MYH9: variants seen among roughly 807,000 people sequenced by gnomAD.
MYH9 encodes the protein myosin-9.
A neutral mutation model predicts 241.9 loss-of-function variants in MYH9; 29 were observed. The ratio of observed to expected loss-of-function variants is 0.12; its 90% confidence interval spans 0.09 to 0.16. MYH9 has a LOEUF of 0.16. MYH9 is among the 10% of genes least tolerant of loss of function. MYH9 has a pLI of 1.00. For synonymous variants in MYH9, 1,047 were observed against 1,062.6 expected (o/e 0.99, Z 0.29); for missense variants, 1,803 against 2,595.5 (o/e 0.69, Z 6.63).
At chr22:36,301,820 C>T (rs1007387846) in intron 20 of MYH9, 155 bp from the exon 21 acceptor site, 6 of 967,118 alleles carry the variant, frequency 6.2e-6, no homozygotes, top group East Asian at 2.6e-5. Flanking sequence ...TCCTTCCTGG[C>T]GCTCTGTACC....
intron 1 of MYH9, among the ~76,000 whole-genome samples, chr22:36,354,930 T>TA (rs1440755186): frequency 8.1e-6 from 1 of 123,482 alleles, no homozygotes; most frequent in Non-Finnish European, 1.7e-5. Flanking sequence ...ATCTACCACT[T>TA]AAAAAAACAA....
chr22:36,309,478 C>T (rs2017025834), intron 14 of MYH9, 82 bp from the exon 15 acceptor site: 2 of 1,058,206 alleles, frequency 1.9e-6, no homozygotes, highest in African/African-American at 1.6e-5. Flanking sequence ...CAGGCTAACC[C>T]CATGCATGGA....
At chr22:36,345,010 A>C (rs998526209) in intron 2 of MYH9, among the ~76,000 whole-genome samples, 4 of 152,218 alleles carry the variant, frequency 2.6e-5, no homozygotes, top group African/African-American at 9.6e-5. Flanking sequence ...CTGGCTGGGT[A>C]CTTTAGAAAG....
Position 36,293,654 on chromosome 22 carries a change from TGAA to T in MYH9, c.3942+102_3942+104del. 2 of 1,333,802 alleles carry T rather than the reference TGAA, an allele frequency of 1.5e-6. No individual in the cohort carries two copies. The highest frequency in any genetic ancestry group is 2.1e-6 in the Non-Finnish European group (2 of 943,554). The allele number at this position is 1,333,802 out of a possible 1,614,324, so 82.6% of individuals were successfully genotyped here. A position where few individuals can be genotyped will look rare whatever the true frequency, so the allele number is the denominator to read the frequency against. On this transcript the variant is annotated intron_variant, in intron 29 of 40. Coordinates refer to ENST00000216181, the MANE Select transcript of MYH9 (RefSeq NM_002473.6). The surrounding 1 kb of genome is among the most constrained non-coding windows in gnomAD (Gnocchi z 5.1). ...AGACCCACCCACAGGATGAAGCAGA[TGAA>T]GGAGAGGATGGGCAATCCGATGGGC...
At position 36,306,140 on chromosome 22, in the gene MYH9, C is replaced by A. The variant is rs1041309755; in HGVS notation, c.2038-89G>T. Reference sequence around the variant, plus strand: ...GGGAACCCCTATGAACCTGACAGGGCAAGAGCCTAAGGGAGGGGGTCGCTA... The same window carrying A: ...GGGAACCCCTATGAACCTGACAGGGAAAGAGCCTAAGGGAGGGGGTCGCTA... On this transcript the variant is annotated intron_variant, in intron 16 of 40. Coordinates refer to ENST00000216181, the MANE Select transcript of MYH9 (RefSeq NM_002473.6). This position sits in a 1 kb window ranked among gnomAD's most constrained non-coding sequence, Gnocchi z 4.1. 6.3e-7 allele frequency: 1 copy of A among 1,592,896 alleles called. No individual in the cohort carries two copies. The highest frequency in any genetic ancestry group is 8.5e-7 in the Non-Finnish European group (1 of 1,171,528).
chr22:36,384,295 T>C (rs773067575), intron 1 of MYH9, among the ~76,000 whole-genome samples: 1 of 143,032 alleles, frequency 7.0e-6, no homozygotes, highest in Non-Finnish European at 1.5e-5. Context: ...ACAAAAACCA[T>C]ATATGAGCCG....
chr22:36,285,014 G>C lies in MYH9; in HGVS notation c.5483+107C>G. ...ATCAGGAGGGAGGGAAACAGCCCCA[G>C]GCTCAGGAGACAGAGAGCTGGTTGT... On this transcript the variant is annotated intron_variant, in intron 38 of 40. Coordinates refer to ENST00000216181, the MANE Select transcript of MYH9 (RefSeq NM_002473.6). The surrounding 1 kb of genome is among the most constrained non-coding windows in gnomAD (Gnocchi z 7.0). The C allele has an allele frequency of 9.3e-7, 1 of 1,079,918 alleles. No homozygotes were observed. Among genetic ancestry groups the C allele is most frequent in the Non-Finnish European group, 1.4e-6 (1 of 734,666 alleles). The allele number at this position is 1,079,918 out of a possible 1,614,324, so 66.9% of individuals were successfully genotyped here.
intron 1 of MYH9, among the ~76,000 whole-genome samples, chr22:36,381,564 T>C (rs950118646): frequency 6.6e-6 from 1 of 151,270 alleles, no homozygotes; most frequent in Non-Finnish European, 1.5e-5. Flanking sequence ...CACTCCCTGC[T>C]CCTGTTGCCT....
intron 1 of MYH9, among the ~76,000 whole-genome samples, chr22:36,359,266 C>G (rs987751076): frequency 6.6e-6 from 1 of 152,200 alleles, no homozygotes; most frequent in African/African-American, 2.4e-5. Context: ...ATGCCTGGCC[C>G]AGAGCAGGTG....
chr22:36,293,691 T>A lies in MYH9; in HGVS notation c.3942+68A>T. 1 of 1,439,734 alleles carries A rather than the reference T, an allele frequency of 6.9e-7. No individual in the cohort carries two copies. The highest frequency in any genetic ancestry group is 1.2e-5 in the South Asian group (1 of 86,360). The allele number at this position is 1,439,734 out of a possible 1,614,324, so 89.2% of individuals were successfully genotyped here. ...TGGGCAATCCGATGGGCTCTGAAGC[T>A]AATGTTGCGTGGACACAGAGGCCTT... On this transcript the variant is annotated intron_variant, in intron 29 of 40. Transcript: ENST00000216181. This position sits in a 1 kb window ranked among gnomAD's most constrained non-coding sequence, Gnocchi z 5.1.
At chr22:36,327,767 A>G (rs2017359363) in intron 3 of MYH9, among the ~76,000 whole-genome samples, 1 of 152,174 alleles carries the variant, frequency 6.6e-6, no homozygotes, top group Admixed American at 6.5e-5. Context: ...CCCACCTTAG[A>G]GGAACTAGTG....
chr22:36,379,829 G>A (rs1181797417), intron 1 of MYH9, among the ~76,000 whole-genome samples: 1 of 152,196 alleles, frequency 6.6e-6, no homozygotes, highest in Non-Finnish European at 1.5e-5. Flanking sequence ...GCGCTTGGCG[G>A]GCTAGCTAAG....
chr22:36,348,401 C>T (rs980868755), intron 2 of MYH9, among the ~76,000 whole-genome samples: 3 of 150,606 alleles, frequency 2.0e-5, no homozygotes, highest in Non-Finnish European at 4.4e-5. Context: ...CCCAGCTACT[C>T]AGGAGGCTCA....
At chr22:36,353,854 G>A (rs2017811011) in intron 1 of MYH9, among the ~76,000 whole-genome samples, 1 of 152,150 alleles carries the variant, frequency 6.6e-6, no homozygotes, top group Admixed American at 6.5e-5. Context: ...TTCAGATTTT[G>A]TATTTTCCTT....
intron 24 of MYH9, chr22:36,297,306 ATGTC>A: frequency 2.3e-6 from 1 of 442,668 alleles, no homozygotes; most frequent in Non-Finnish European, 4.1e-6. Flanking sequence ...AGGCTGTACC[ATGTC>A]TGTATCTCTA....
chr22:36,364,377 T>C (rs1427123138), intron 1 of MYH9, among the ~76,000 whole-genome samples: 1 of 152,174 alleles, frequency 6.6e-6, no homozygotes, highest in Non-Finnish European at 1.5e-5. Context: ...GGCTCCCATC[T>C]TCCCAAAGGT....
intron 2 of MYH9, 69 bp downstream of exon 2, chr22:36,348,835 A>AGGGGGGGGGGGCG: frequency 1.2e-6 from 1 of 869,014 alleles, no homozygotes; most frequent in Non-Finnish European, 1.7e-6. Context: ...GGTGATGGGA[A>AGGGGGGGGGGGCG]GACCCGCCCC....
Position 36,290,803 on chromosome 22 carries a change from C to T in MYH9, c.4344+1183G>A, listed in dbSNP as rs574394330. Among the ~76,000 whole-genome samples the T allele has an allele frequency of 6.6e-5, 10 of 151,858 alleles. No homozygotes were observed. The South Asian group carries it at 2.1e-3, about 32-fold the overall frequency. ...GGGGAGCGCCTCTGCCCCGCCGCCC[C>T]GTCTGGGATGTGAGGAGTGCCTCTG... On this transcript the variant is annotated intron_variant, in intron 31 of 40. Coordinates refer to ENST00000216181, the MANE Select transcript of MYH9 (RefSeq NM_002473.6).
At chr22:36,332,648 C>T (rs1322761369) in intron 3 of MYH9, among the ~76,000 whole-genome samples, 1 of 109,348 alleles carries the variant, frequency 9.1e-6, no homozygotes, top group African/African-American at 3.6e-5. Context: ...CCCCTCCAGA[C>T]ACTCTGGATA....
Sources: gnomAD v4.1 joint callset for allele counts (sites outside exome capture counted in the v4.1 genomes callset) on GRCh38, gnomAD v4.1.1 for gene constraint, Gnocchi (gnomAD v3.1) non-coding constraint, MANE v1.5 for transcripts, NCBI Gene and HGNC (gene_info 2026-07-23, HGNC 2026-07-21) for gene names.